ACTR3C: variants seen among roughly 807,000 people sequenced by gnomAD.
The protein encoded by ACTR3C is actin-related protein 3C.
In ACTR3C, 18 loss-of-function variants were observed where a neutral mutation model predicts 26.3. The ratio of observed to expected loss-of-function variants is 0.68; its 90% CI spans 0.47 to 1.01. The LOEUF (loss-of-function observed/expected upper bound fraction) is 1.01, where lower values mean the gene tolerates loss of function less well. ACTR3C is among the 50% of genes least tolerant of loss of function. ACTR3C has a pLI of 0.00. For synonymous variants in ACTR3C, 55 were observed against 94.5 expected, an observed-to-expected ratio of 0.58 and a Z score of 2.42; for missense variants, 184 against 250.7, an observed-to-expected ratio of 0.73 and a Z score of 1.80.
chr7:150,021,029 G>A, the ACTR3C span, among the ~76,000 whole-genome samples: 4 of 151,942 alleles, frequency 2.6e-5, no homozygotes, highest in South Asian at 2.1e-4. Context: ...CCGTTTTGGC[G>A]AGGCTGGTCT....
chr7:150,260,028 G>A lies in ACTR3C; in HGVS notation c.565-10974C>T, dbSNP rs141238931. On this transcript the variant is annotated intron_variant, in intron 6 of 7. Transcript: ENST00000683684. Reference sequence around the variant, plus strand: ...GTCAGAAGTTGGCAAACTACAGGCCGTGGGCTAAATATGCTCCAGTGCCTG... The same window carrying A: ...GTCAGAAGTTGGCAAACTACAGGCCATGGGCTAAATATGCTCCAGTGCCTG... Among the ~76,000 whole-genome samples, 1,507 of 152,272 alleles carry A rather than the reference G, an allele frequency of 9.9e-3. 26 individuals are homozygous for A. Among genetic ancestry groups the A allele is most frequent in the African/African-American group, 0.035 (1,444 of 41,558 alleles).
chr7:150,215,026 T>A, the ACTR3C span, among the ~76,000 whole-genome samples: 2 of 147,996 alleles, frequency 1.4e-5, no homozygotes, highest in African/African-American at 2.6e-5. Flanking sequence ...ACAAAAAAAA[T>A]GCATTTCTAT....
chr7:149,923,525 T>C, the ACTR3C span, among the ~76,000 whole-genome samples: 1 of 152,160 alleles, frequency 6.6e-6, no homozygotes, highest in Non-Finnish European at 1.5e-5. Flanking sequence ...CTACTTGATA[T>C]GCTAAATCAA....
the ACTR3C span, among the ~76,000 whole-genome samples, chr7:150,094,610 T>C: frequency 6.6e-6 from 1 of 150,618 alleles, no homozygotes; most frequent in African/African-American, 2.5e-5. Flanking sequence ...CAGGCTCCAC[T>C]GAGGTTTGGG....
the ACTR3C span, among the ~76,000 whole-genome samples, chr7:150,222,731 AG>A: frequency 6.6e-6 from 1 of 152,232 alleles, no homozygotes; most frequent in Admixed American, 6.5e-5. Context: ...TCATTAATCA[AG>A]CTTGAACACT....
chr7:149,940,241 AGG>A, the ACTR3C span, among the ~76,000 whole-genome samples: 1 of 152,100 alleles, frequency 6.6e-6, no homozygotes, highest in African/African-American at 2.4e-5. Context: ...GGTATTGATC[AGG>A]AAAGACATTT....
chr7:150,023,409 C>T, the ACTR3C span, among the ~76,000 whole-genome samples: 26 of 146,968 alleles, frequency 1.8e-4, no homozygotes, highest in Admixed American at 1.8e-3. Flanking sequence ...TCTCAGCTCA[C>T]TGCAACCTCC....
chr7:149,958,855 G>A, the ACTR3C span, among the ~76,000 whole-genome samples: 1 of 152,198 alleles, frequency 6.6e-6, no homozygotes, highest in Admixed American at 6.5e-5. Context: ...TAGGAACACT[G>A]GTCTATGTTT....
At chr7:150,214,656 C>A in the ACTR3C span, among the ~76,000 whole-genome samples, 1 of 152,002 alleles carries the variant, frequency 6.6e-6, no homozygotes, top group East Asian at 1.9e-4. Context: ...AGATAATGGC[C>A]ACCAAATTCC....
chr7:149,937,871 A>C, the ACTR3C span, among the ~76,000 whole-genome samples: 2 of 152,162 alleles, frequency 1.3e-5, no homozygotes, highest in African/African-American at 4.8e-5. Flanking sequence ...CTCCAGTAAC[A>C]CACGAGATGG....
the ACTR3C span, among the ~76,000 whole-genome samples, chr7:150,017,246 G>C: frequency 6.6e-6 from 1 of 151,542 alleles, no homozygotes; most frequent in South Asian, 2.1e-4. Context: ...TCTGATGACA[G>C]CTCCTGCACA....
chr7:149,917,633 A>ATTTT, the ACTR3C span, among the ~76,000 whole-genome samples: 2 of 30,244 alleles, frequency 6.6e-5, no homozygotes, highest in African/African-American at 9.6e-5. Flanking sequence ...AGTGTTTTAC[A>ATTTT]TCTTTTTTTT....
At chr7:150,176,780 C>T in the ACTR3C span, among the ~76,000 whole-genome samples, 1 of 150,756 alleles carries the variant, frequency 6.6e-6, no homozygotes, top group African/African-American at 2.5e-5. Flanking sequence ...AATGGAGCCA[C>T]AGGAAACTCG....
the ACTR3C span, among the ~76,000 whole-genome samples, chr7:149,936,202 A>G: frequency 6.6e-6 from 1 of 152,212 alleles, no homozygotes; most frequent in African/African-American, 2.4e-5. Context: ...TCGAATGTAC[A>G]TATTAGAAAC....
chr7:150,273,658 C>A (rs2689561), intron 6 of ACTR3C, among the ~76,000 whole-genome samples: 26,266 of 146,034 alleles, frequency 0.18, 3,674 homozygotes, highest in African/African-American at 0.38. Context: ...CTTTTGAAAT[C>A]CTTCCTTCAG....
the ACTR3C span, among the ~76,000 whole-genome samples, chr7:149,983,321 G>A: frequency 4.0e-5 from 6 of 150,850 alleles, no homozygotes; most frequent in Non-Finnish European, 7.4e-5. Context: ...ATAAAAAGAT[G>A]TTCAACATCA....
chr7:149,917,408 A>T, the ACTR3C span, among the ~76,000 whole-genome samples: 3 of 152,102 alleles, frequency 2.0e-5, no homozygotes, highest in East Asian at 3.9e-4. Flanking sequence ...TTGCACGAAG[A>T]CTCTTTCACT....
At chr7:150,036,785 C>T in the ACTR3C span, among the ~76,000 whole-genome samples, 1 of 138,010 alleles carries the variant, frequency 7.2e-6, no homozygotes, top group East Asian at 2.0e-4. Context: ...TTTGAACTTT[C>T]TAATTGGACA....
chr7:149,892,170 G>C, the ACTR3C span: 1 of 1,304,158 alleles, frequency 7.7e-7, no homozygotes, highest in African/African-American at 1.5e-5. Flanking sequence ...CATAAGAATA[G>C]AAACACATTC....
Sources: gnomAD v4.1 joint callset for allele counts (sites outside exome capture counted in the v4.1 genomes callset) on GRCh38, gnomAD v4.1.1 for gene constraint, MANE v1.5 for transcripts, NCBI Gene and HGNC (gene_info 2026-07-23, HGNC 2026-07-21) for gene names.